ZNRF3: variants seen among roughly 807,000 people sequenced by gnomAD.
ZNRF3 encodes the protein zinc and ring finger 3, also known as E3 ubiquitin-protein ligase ZNRF3.
ZNRF3 carries 23 observed loss-of-function variants against 72.5 expected under a neutral mutation model. That is an observed-to-expected ratio of 0.32 (90% confidence interval 0.23 to 0.45). ZNRF3 has a LOEUF of 0.45. ZNRF3 is among the 20% of genes least tolerant of loss of function. The pLI, the probability that ZNRF3 is intolerant of heterozygous loss-of-function variation, is 1.00. For missense variants in ZNRF3, 1,169 were observed against 1,272.1 expected, an observed-to-expected ratio of 0.92 and a Z score of 1.23; for synonymous variants, 610 against 545.3, an observed-to-expected ratio of 1.12 and a Z score of -1.65.
rs180876119 is a variant in ZNRF3, at chr22:28,957,862, G to T, written c.301-29214G>T. Among the ~76,000 whole-genome samples the T allele has an allele frequency of 3.0e-4, 46 of 152,218 alleles. 1 individual carries two copies. Among genetic ancestry groups the T allele is most frequent in the Admixed American group, 2.9e-3 (45 of 15,286 alleles). On this transcript the variant is annotated intron_variant, in intron 1 of 8. Coordinates refer to ENST00000544604, the MANE Select transcript of ZNRF3 (RefSeq NM_001206998.2). ...AGTTTTGGATCTGGAGAACTTTGTGGGAGTGAAGAGCCAAGAAGGATGCTT... is the reference window on the plus strand; with the variant it reads ...AGTTTTGGATCTGGAGAACTTTGTGTGAGTGAAGAGCCAAGAAGGATGCTT...
intron 1 of ZNRF3, among the ~76,000 whole-genome samples, chr22:28,969,938 T>C (rs1251706196): frequency 6.6e-6 from 1 of 152,020 alleles, no homozygotes; most frequent in Non-Finnish European, 1.5e-5. Flanking sequence ...CAGAATTTGC[T>C]GAAGGGTTGG....
chr22:28,982,561 G>C (rs2035784424), intron 1 of ZNRF3, among the ~76,000 whole-genome samples: 1 of 145,868 alleles, frequency 6.9e-6, no homozygotes, highest in Non-Finnish European at 1.5e-5. Flanking sequence ...ACAAGACCCT[G>C]CCTTTAAAAA....
At chr22:28,896,075 C>T (rs890149964) in intron 1 of ZNRF3, among the ~76,000 whole-genome samples, 5 of 151,700 alleles carry the variant, frequency 3.3e-5, no homozygotes, top group Admixed American at 2.0e-4. Flanking sequence ...TTCAGCCTCC[C>T]GAGTAGGTGG....
chr22:28,961,697 T>C (rs2035362327), intron 1 of ZNRF3, among the ~76,000 whole-genome samples: 1 of 152,208 alleles, frequency 6.6e-6, no homozygotes, highest in Non-Finnish European at 1.5e-5. Flanking sequence ...AATCTATTTA[T>C]TGTTGAGAAA....
At chr22:29,042,347 G>A in intron 2 of ZNRF3, 148 bp from the exon 3 acceptor site, 1 of 610,852 alleles carries the variant, frequency 1.6e-6, no homozygotes, top group Non-Finnish European at 2.9e-6. Flanking sequence ...GGAAAATTGA[G>A]GATTAGGAAA....
At chr22:28,975,451 G>A (rs1247104633) in intron 1 of ZNRF3, among the ~76,000 whole-genome samples, 3 of 139,846 alleles carry the variant, frequency 2.1e-5, no homozygotes, top group African/African-American at 5.3e-5. Context: ...GTAGTGAGCC[G>A]AGATCGAGAT....
chr22:28,885,672 A>G (rs2033772136), intron 1 of ZNRF3, among the ~76,000 whole-genome samples: 1 of 149,548 alleles, frequency 6.7e-6, no homozygotes, highest in Non-Finnish European at 1.5e-5. Flanking sequence ...TGCAGTTTTT[A>G]TCTGCAATGT....
chr22:28,929,385 C>T (rs917688996), intron 1 of ZNRF3, among the ~76,000 whole-genome samples: 3 of 152,076 alleles, frequency 2.0e-5, no homozygotes, highest in Non-Finnish European at 2.9e-5. Flanking sequence ...TGTAGGATAT[C>T]GAGCCACATC....
At chr22:29,002,139 T>G (rs1057190308) in intron 2 of ZNRF3, among the ~76,000 whole-genome samples, 1 of 152,196 alleles carries the variant, frequency 6.6e-6, no homozygotes, top group African/African-American at 2.4e-5. Context: ...TCCTTATGTA[T>G]GTCGATGGTC....
chr22:28,993,726 A>G (rs1285094020), intron 2 of ZNRF3, among the ~76,000 whole-genome samples: 1 of 152,248 alleles, frequency 6.6e-6, no homozygotes, highest in African/African-American at 2.4e-5. Context: ...TCTGTTGCCC[A>G]GGCTGGAGTG....
Position 29,046,764 on chromosome 22 carries a change from A to C in ZNRF3, c.793A>C (p.Arg265=). ...AVQALEKMET[R]KFNSKSKGRR... is the part of the protein sequence containing the mutation. ...GCAGGCTCTAGAGAAGATGGAAACCAGAAAGTTCAACTCCAAGAGCAAGGG... is the reference window on the plus strand; with the variant it reads ...GCAGGCTCTAGAGAAGATGGAAACCCGAAAGTTCAACTCCAAGAGCAAGGG... Residue 265 remains arginine (R), a synonymous_variant, in exon 6 of 9, where the codon AGA becomes CGA. Transcript: ENST00000544604. 6.2e-7 allele frequency: 1 copy of C among 1,612,192 alleles called. No homozygotes were observed. The highest frequency in any genetic ancestry group is 8.5e-7 in the Non-Finnish European group (1 of 1,179,078).
chr22:28,953,397 A>G (rs1186703991), intron 1 of ZNRF3, among the ~76,000 whole-genome samples: 1 of 152,210 alleles, frequency 6.6e-6, no homozygotes, highest in Non-Finnish European at 1.5e-5. Context: ...CCTGTGAGAA[A>G]TCAATCTGGA....
chr22:28,992,441 G>A (rs898261575), intron 2 of ZNRF3, among the ~76,000 whole-genome samples: 4 of 151,966 alleles, frequency 2.6e-5, no homozygotes, highest in East Asian at 1.9e-4. Context: ...CTCCATCCAC[G>A]CATCTGCTTT....
At chr22:29,047,688 C>A (rs1483254209) in intron 6 of ZNRF3, among the ~76,000 whole-genome samples, 1 of 152,176 alleles carries the variant, frequency 6.6e-6, no homozygotes, top group Non-Finnish European at 1.5e-5. Context: ...TTCTGTCAGG[C>A]ACAGTGTTAG....
At chr22:28,974,442 A>T (rs2035634021) in intron 1 of ZNRF3, among the ~76,000 whole-genome samples, 1 of 152,222 alleles carries the variant, frequency 6.6e-6, no homozygotes, top group Non-Finnish European at 1.5e-5. Context: ...CGATTAAACA[A>T]CATTACAGTA....
rs139283607 is a variant in ZNRF3, at chr22:28,971,065, T to G, written c.301-16011T>G. Among the ~76,000 whole-genome samples the G allele has an allele frequency of 2.5e-3, 382 of 152,318 alleles. 4 individuals are homozygous for G. The highest frequency in any genetic ancestry group is 8.8e-3 in the African/African-American group (364 of 41,572). On this transcript the variant is annotated intron_variant, in intron 1 of 8. Transcript: ENST00000544604. ...TTTTTGGGATGTGGTGGCACAAGCCTGTAGTCCCCGCAAGTTGGGAGGCTA... is the reference window on the plus strand; with the variant it reads ...TTTTTGGGATGTGGTGGCACAAGCCGGTAGTCCCCGCAAGTTGGGAGGCTA...
At chr22:29,051,724 T>C (rs749500923) in intron 8 of ZNRF3, among the ~76,000 whole-genome samples, 1 of 151,484 alleles carries the variant, frequency 6.6e-6, no homozygotes, top group African/African-American at 2.4e-5. Context: ...TTGGCCAATA[T>C]GGTGAAACCC....
At chr22:28,986,635 CT>C in intron 1 of ZNRF3, 1 of 985,434 alleles carries the variant, frequency 1.0e-6, no homozygotes. Flanking sequence ...TCCAGATCCT[CT>C]TGCGTAAGTT....
intron 1 of ZNRF3, among the ~76,000 whole-genome samples, chr22:28,888,011 C>G (rs903553096): frequency 1.3e-5 from 2 of 151,854 alleles, no homozygotes; most frequent in Non-Finnish European, 2.9e-5. Flanking sequence ...TTGAGAAATT[C>G]ATTTGTAGAA....
Sources: allele counts gnomAD v4.1 joint callset (sites outside exome capture counted in the v4.1 genomes callset), GRCh38; gene constraint gnomAD v4.1.1; transcripts MANE v1.5; gene names NCBI Gene and HGNC (gene_info 2026-07-23, HGNC 2026-07-21).